Variants in MATN2 observed in about 807,000 individuals in gnomAD.
The protein encoded by MATN2 is matrilin 2.
MATN2 carries 69 observed loss-of-function variants against 103.2 expected under a neutral mutation model. The observed-to-expected ratio is 0.67, with a 90% CI of 0.55 to 0.82. MATN2 has a LOEUF of 0.82. Among genes scored for constraint, MATN2 ranks in the 40% least tolerant of loss-of-function variants. MATN2 has a pLI of 0.00. For missense variants in MATN2, 1,023 were observed against 1,211.5 expected (o/e 0.84, Z 2.31); for synonymous variants, 429 against 450.2 (o/e 0.95, Z 0.60).
chr8:97,978,673 ACTTCCTATAT>A (rs1811917477), intron 5 of MATN2, among the ~76,000 whole-genome samples: 1 of 152,134 alleles, frequency 6.6e-6, no homozygotes, highest in African/African-American at 2.4e-5. Flanking sequence ...TCTTTAGTTT[ACTTCCTATAT>A]CTTCCTATAT....
In MATN2 at chr8:97,881,913, C is replaced by CTTTT. The variant is rs34704905; in HGVS notation, c.-26-6142_-26-6139dup. On this transcript the variant is annotated intron_variant, in intron 1 of 18. Coordinates refer to ENST00000254898, the MANE Select transcript of MATN2 (RefSeq NM_002380.5). ...CTTTTCCCATTCCTTTATTACTTAT[C>CTTTT]TTTTTTTTTTTTTTTTTTTTTTTGA... Among the ~76,000 whole-genome samples, 318 of 84,094 alleles carry CTTTT rather than the reference C, an allele frequency of 3.8e-3. 4 individuals are homozygous for CTTTT. The highest frequency in any genetic ancestry group is 0.016 in the Middle Eastern group (1 of 62). The allele number at this position is 84,094 out of a possible 152,430, so 55.2% of individuals were successfully genotyped here. A position where few individuals can be genotyped will look rare whatever the true frequency, so the allele number is the denominator to read the frequency against.
intron 7 of MATN2, among the ~76,000 whole-genome samples, chr8:97,999,264 CT>C (rs778153095): frequency 4.6e-5 from 7 of 152,298 alleles, no homozygotes; most frequent in African/African-American, 1.7e-4. Flanking sequence ...TTGCTTCCAC[CT>C]TTTGACTTTT....
Position 97,983,552 on chromosome 8 carries a change from G to C in MATN2, c.1081+4544G>C, listed in dbSNP as rs72677102. 9.7e-3 allele frequency among the ~76,000 whole-genome samples: 1,480 copies of C among 152,304 alleles called. 10 individuals are homozygous for C. The highest frequency in any genetic ancestry group is 0.017 in the Non-Finnish European group (1,149 of 68,020). ...CTGCTGGACAGGGATTCATGTCTTT[G>C]GTAGCAAGGAGACTGTGGGCTTTGA... On this transcript the variant is annotated intron_variant, in intron 6 of 18. Transcript: ENST00000254898.
At chr8:97,881,728 A>C (rs941915769) in intron 1 of MATN2, among the ~76,000 whole-genome samples, 1 of 152,116 alleles carries the variant, frequency 6.6e-6, no homozygotes, top group African/African-American at 2.4e-5. Context: ...TCAAATGCTG[A>C]CAGCTGTAAA....
At chr8:97,939,474 T>C (rs1810482244) in intron 3 of MATN2, among the ~76,000 whole-genome samples, 1 of 152,178 alleles carries the variant, frequency 6.6e-6, no homozygotes, top group Non-Finnish European at 1.5e-5. Context: ...AGTGGCTCCT[T>C]GTTCAACCTC....
rs186440153 is a variant in MATN2, at chr8:97,887,820, C to G, written c.-26-255C>G. The stretch of plus-strand genomic sequence containing the variant: ...AAGAAACTTCAGGATAGATTTTTCT[C>G]AAGTTTTCCATTCAGTCTTACAGTG... On this transcript the variant is annotated intron_variant, in intron 1 of 18. Transcript: ENST00000254898. 1.8e-4 allele frequency: 49 copies of G among 265,948 alleles called. No homozygotes were observed. The East Asian group carries it at 3.1e-3, about 17-fold the overall frequency. The allele number at this position is 265,948 out of a possible 1,614,324, so 16.5% of individuals were successfully genotyped here. A position where few individuals can be genotyped will look rare whatever the true frequency, so the allele number is the denominator to read the frequency against.
chr8:98,007,135 G>A lies in MATN2; in HGVS notation c.1358G>A (p.Gly453Asp), dbSNP rs755116083. The A allele has an allele frequency of 2.5e-6, 4 of 1,612,450 alleles. No homozygotes were observed. The East Asian group carries it at 8.9e-5, about 36-fold the overall frequency. ...RVDHCAQQDH[G>D]CEQLCLNTED... is the part of the protein sequence containing the mutation. ...GACCACTGTGCACAGCAGGACCATG[G>A]CTGTGAGCAGCTGTGTCTGAACACG... is the stretch of plus-strand genomic sequence containing the variant. The change falls in exon 9 of 19, where the codon GGC becomes GAC. Residue 453 changes from glycine (G) to aspartate (D), a missense_variant. Coordinates refer to ENST00000254898, the MANE Select transcript of MATN2 (RefSeq NM_002380.5). The surrounding 1 kb of genome is among the most constrained non-coding windows in gnomAD (Gnocchi z 4.2).
chr8:97,959,181 G>C (rs985606371), intron 4 of MATN2, among the ~76,000 whole-genome samples: 9 of 152,122 alleles, frequency 5.9e-5, no homozygotes, highest in Non-Finnish European at 1.2e-4. Context: ...CCTCAAATAG[G>C]ATCAGTTTGT....
At chr8:97,937,455 A>G (rs745764304) in intron 3 of MATN2, among the ~76,000 whole-genome samples, 19 of 152,098 alleles carry the variant, frequency 1.2e-4, no homozygotes, top group Non-Finnish European at 2.4e-4. Flanking sequence ...TGCCTTTTCC[A>G]TTACACCAAG....
At position 97,979,026 on chromosome 8, in the gene MATN2, GC is replaced by G; in HGVS notation, c.1081+19del. On this transcript the variant is annotated intron_variant, in intron 6 of 18. Coordinates refer to ENST00000254898, the MANE Select transcript of MATN2 (RefSeq NM_002380.5). ...GTGCACAAGTAAGTTACACACACAT[GC>G]ACACACAGAGAAATATTTGCTGTTA... The G allele has an allele frequency of 1.9e-5, 30 of 1,596,006 alleles. No homozygotes were observed. The highest frequency in any genetic ancestry group is 2.4e-5 in the Non-Finnish European group (28 of 1,171,132).
At chr8:97,912,862 G>C (rs1038793675) in intron 2 of MATN2, among the ~76,000 whole-genome samples, 1 of 152,208 alleles carries the variant, frequency 6.6e-6, no homozygotes, top group African/African-American at 2.4e-5. Flanking sequence ...GGCTGACGGA[G>C]CCACCAGGGC....
chr8:98,029,186 C>T (rs776167317), intron 14 of MATN2, among the ~76,000 whole-genome samples: 2 of 152,204 alleles, frequency 1.3e-5, no homozygotes, highest in Non-Finnish European at 2.9e-5. Flanking sequence ...GTACCTTCCT[C>T]TTTTTCTAGC....
chr8:97,888,719 C>T (rs188015176), intron 2 of MATN2, among the ~76,000 whole-genome samples: 3 of 152,196 alleles, frequency 2.0e-5, no homozygotes, highest in African/African-American at 7.2e-5. Context: ...ATCCAGTGAA[C>T]ATTTTTCCTA....
rs747582240 is a variant in MATN2 at position 98,027,666 on chromosome 8, C to A, written c.2193C>A (p.Gly731=). Reference sequence around the variant, plus strand: ...CCCACATGAAATACATGGGAAAGGGCTCTATGACTGGGCTGGCCCTGAAAC... The same window carrying A: ...CCCACATGAAATACATGGGAAAGGGATCTATGACTGGGCTGGCCCTGAAAC... ...AVAHMKYMGK[G]SMTGLALKHM... The change falls in exon 14 of 19, where the codon GGC becomes GGA. Residue 731 remains glycine, a synonymous_variant. Coordinates refer to ENST00000254898, the MANE Select transcript of MATN2 (RefSeq NM_002380.5). 6.2e-6 allele frequency: 10 copies of A among 1,613,914 alleles called. No homozygotes were observed. Among genetic ancestry groups the A allele is most frequent in the Non-Finnish European group, 7.6e-6 (9 of 1,179,858 alleles).
chr8:97,953,088 A>G (rs1811016065), intron 4 of MATN2, among the ~76,000 whole-genome samples: 1 of 151,756 alleles, frequency 6.6e-6, no homozygotes, highest in Admixed American at 6.6e-5. Flanking sequence ...GTGCCTGGCT[A>G]ATTTTTTAAT....
intron 17 of MATN2, 91 bp from the exon 18 acceptor site, chr8:98,033,470 G>C: frequency 1.4e-6 from 1 of 718,932 alleles, no homozygotes; most frequent in Non-Finnish European, 2.3e-6. Flanking sequence ...TTTCATTATG[G>C]TTTCCTCCAT....
chr8:97,935,479 C>A (rs147197470), intron 3 of MATN2, among the ~76,000 whole-genome samples: 4 of 152,176 alleles, frequency 2.6e-5, no homozygotes, highest in African/African-American at 9.6e-5. Context: ...GGTCACAAAC[C>A]TGTAAGTGCT....
At chr8:97,902,430 G>C (rs1247548362) in intron 2 of MATN2, among the ~76,000 whole-genome samples, 6 of 150,264 alleles carry the variant, frequency 4.0e-5, no homozygotes, top group African/African-American at 1.5e-4. Context: ...CCAGGAGGTG[G>C]AGGTTGCAGT....
intron 18 of MATN2, 90 bp downstream of exon 18, chr8:98,033,749 T>A: frequency 1.1e-6 from 1 of 911,082 alleles, no homozygotes; most frequent in Non-Finnish European, 1.7e-6. Context: ...TCAACTGAAG[T>A]AAATCCCACG....
Sources: gnomAD v4.1 joint callset for allele counts (sites outside exome capture counted in the v4.1 genomes callset) on GRCh38, gnomAD v4.1.1 for gene constraint, Gnocchi (gnomAD v3.1) non-coding constraint, MANE v1.5 for transcripts, NCBI Gene and HGNC (gene_info 2026-07-23, HGNC 2026-07-21) for gene names.